The following CNOT1 variants were observed in gnomAD, a reference collection of about 807,000 sequenced individuals.
The protein encoded by CNOT1 is CCR4-associated factor 1.
A neutral mutation model predicts 273.8 loss-of-function variants in CNOT1; 15 were observed. The ratio of observed to expected loss-of-function variants is 0.05; its 90% CI spans 0.04 to 0.08. The LOEUF (loss-of-function observed/expected upper bound fraction) is 0.08. Ranked by LOEUF, CNOT1 falls within the 10% of genes least tolerant of loss-of-function variation. The pLI is 1.00. For synonymous variants in CNOT1, 1,022 were observed against 1,005.5 expected (o/e 1.02, Z -0.31); for missense variants, 1,644 against 2,912.2 (o/e 0.56, Z 10.02).
chr16:58,578,180 G>A (rs2041527409), intron 13 of CNOT1, among the ~76,000 whole-genome samples: 2 of 152,192 alleles, frequency 1.3e-5, no homozygotes, highest in Admixed American at 6.5e-5. Flanking sequence ...TTGGCCGGGT[G>A]TGGTGGCTCA....
rs1305852298 is a variant in CNOT1, at chr16:58,542,500, C to T, written c.4503G>A (p.Glu1501=). The T allele has an allele frequency of 6.2e-7, 1 of 1,600,152 alleles. No individual in the cohort carries two copies. Among genetic ancestry groups the T allele is most frequent in the South Asian group, 1.1e-5 (1 of 90,870 alleles). The change falls in exon 32 of 49, where the codon GAG becomes GAA. Residue 1501 remains glutamate (E), a synonymous_variant. Coordinates refer to ENST00000317147, the MANE Select transcript of CNOT1 (RefSeq NM_016284.5). Reference sequence around the variant, plus strand: ...TCTTCTGAATAAAACAGCAAGCCAACTCACAATTGTCCTGAGCTAATTGAG... The same window carrying T: ...TCTTCTGAATAAAACAGCAAGCCAATTCACAATTGTCCTGAGCTAATTGAG... ...AAAQLAQDNC[E]LACCFIQKTA... is the part of the protein sequence containing the mutation.
At chr16:58,548,448 T>C (rs557489477) in intron 25 of CNOT1, 1 of 488,532 alleles carries the variant, frequency 2.0e-6, no homozygotes, top group South Asian at 1.5e-5. Flanking sequence ...ATGTGGAAAC[T>C]TTTATGTATC....
At chr16:58,602,553 CAAAA>C (rs60230860) in intron 1 of CNOT1, among the ~76,000 whole-genome samples, 2 of 57,964 alleles carry the variant, frequency 3.5e-5, no homozygotes, top group African/African-American at 1.6e-4. Context: ...ACTCTGTCTC[CAAAA>C]AAAAAAAAAA....
At chr16:58,549,091 C>T (rs2040358964) in intron 25 of CNOT1, among the ~76,000 whole-genome samples, 1 of 151,996 alleles carries the variant, frequency 6.6e-6, no homozygotes, top group Non-Finnish European at 1.5e-5. Flanking sequence ...GAGTTCGGGA[C>T]CAGCCTGGCC....
rs141536630 is a variant in CNOT1, at chr16:58,613,268, G to A, written c.-174-13757C>T. ...AGGCTGGTCTTGAACTCCTGACCTC[G>A]TGATCTGCCCACCTCAGGCTCCCAA... On this transcript the variant is annotated intron_variant, in intron 1 of 48. Transcript: ENST00000317147. Among the ~76,000 whole-genome samples, 629 of 151,566 alleles carry A rather than the reference G, an allele frequency of 4.2e-3. 8 individuals are homozygous for A. The highest frequency in any genetic ancestry group is 0.014 in the African/African-American group (590 of 41,372).
intron 42 of CNOT1, chr16:58,530,628 C>CA (rs1217452981): frequency 9.5e-6 from 2 of 210,750 alleles, no homozygotes; most frequent in Non-Finnish European, 1.9e-5. Flanking sequence ...ACTAAGAATA[C>CA]AAAAAATTAG....
chr16:58,523,124 A>G, intron 47 of CNOT1: 1 of 254,578 alleles, frequency 3.9e-6, no homozygotes. Context: ...AGGCGCCTGT[A>G]ATCCCAGCTA....
In CNOT1 at chr16:58,602,677, G is replaced by C. The variant is rs2042517929; in HGVS notation, c.-174-3166C>G. ...ACCCAGGAGGTGGAGGTTGTAGTGA[G>C]CTGAGATCATGCCACCTCACTCCAG... On this transcript the variant is annotated intron_variant, in intron 1 of 48. Coordinates refer to ENST00000317147, the MANE Select transcript of CNOT1 (RefSeq NM_016284.5). Among the ~76,000 whole-genome samples, 3 of 151,354 alleles carry C rather than the reference G, an allele frequency of 2.0e-5. No homozygotes were observed. In the South Asian group the frequency reaches 6.3e-4, roughly 32 times the overall value.
chr16:58,596,900 A>C (rs1029038425), intron 2 of CNOT1, among the ~76,000 whole-genome samples: 1 of 69,702 alleles, frequency 1.4e-5, no homozygotes. Flanking sequence ...AAAAAAAAAA[A>C]AAAAAAAAAA....
chr16:58,540,926 C>T (rs987614438), intron 34 of CNOT1, among the ~76,000 whole-genome samples: 1 of 152,126 alleles, frequency 6.6e-6, no homozygotes, highest in East Asian at 1.9e-4. Flanking sequence ...AATGGGAAGG[C>T]TGGGCACAAT....
chr16:58,627,885 T>C (rs1207460188), intron 1 of CNOT1, among the ~76,000 whole-genome samples: 1 of 152,196 alleles, frequency 6.6e-6, no homozygotes, highest in African/African-American at 2.4e-5. Context: ...TGGAGTGCAG[T>C]AGCTCTATCT....
intron 46 of CNOT1, among the ~76,000 whole-genome samples, chr16:58,524,088 A>C (rs1286566508): frequency 6.6e-6 from 1 of 152,030 alleles, no homozygotes; most frequent in Admixed American, 6.6e-5. Flanking sequence ...TCTCTACTAA[A>C]AATACATAAA....
chr16:58,613,324 G>A (rs985394902), intron 1 of CNOT1, among the ~76,000 whole-genome samples: 10 of 127,390 alleles, frequency 7.8e-5, no homozygotes, highest in African/African-American at 2.1e-4. Flanking sequence ...GAGTCACCAC[G>A]CCTGGCTTAG....
At chr16:58,610,053 C>T (rs557932822) in intron 1 of CNOT1, among the ~76,000 whole-genome samples, 1 of 152,236 alleles carries the variant, frequency 6.6e-6, no homozygotes, top group East Asian at 1.9e-4. Context: ...TAAATACAGA[C>T]TTTACTATAA....
At chr16:58,554,892 C>T (rs2040577542) in intron 21 of CNOT1, among the ~76,000 whole-genome samples, 1 of 139,164 alleles carries the variant, frequency 7.2e-6, no homozygotes, top group Admixed American at 7.5e-5. Flanking sequence ...GCCCAGATTG[C>T]ACCACTGCAC....
intron 8 of CNOT1, among the ~76,000 whole-genome samples, chr16:58,583,501 C>T (rs1018939646): frequency 1.1e-4 from 17 of 152,282 alleles, no homozygotes; most frequent in Admixed American, 1.1e-3. Flanking sequence ...GGCTCCCAAA[C>T]CCCCTGCCAT....
chr16:58,552,413 C>T (rs1476979962), intron 22 of CNOT1, among the ~76,000 whole-genome samples: 1 of 151,970 alleles, frequency 6.6e-6, no homozygotes, highest in Non-Finnish European at 1.5e-5. Context: ...AAAGTATAGC[C>T]CTTTACGCTG....
chr16:58,539,707 T>G lies in CNOT1; in HGVS notation c.4992+61A>C, dbSNP rs2040030556. 5 of 1,458,502 alleles carry G rather than the reference T, an allele frequency of 3.4e-6. No homozygotes were observed. The South Asian group carries it at 4.1e-5, about 12-fold the overall frequency. The allele number at this position is 1,458,502 out of a possible 1,614,324, so 90.3% of individuals were successfully genotyped here. On this transcript the variant is annotated intron_variant, in intron 35 of 48. Transcript: ENST00000317147. ...AACTGCATAAATATGTAGATGGTGG[T>G]GCAGGTCAATAAATGTTTACACACC...
intron 16 of CNOT1, among the ~76,000 whole-genome samples, chr16:58,565,585 T>A (rs1251958437): frequency 1.3e-5 from 2 of 152,232 alleles, no homozygotes; most frequent in East Asian, 3.8e-4. Context: ...TCACCTCTCT[T>A]CAGGTCATTT....
Sources: allele counts gnomAD v4.1 joint callset (sites outside exome capture counted in the v4.1 genomes callset), GRCh38; gene constraint gnomAD v4.1.1; transcripts MANE v1.5; gene names NCBI Gene and HGNC (gene_info 2026-07-23, HGNC 2026-07-21).